Variants in TBC1D5 observed in about 807,000 individuals in gnomAD.
The protein encoded by TBC1D5 is TBC1 domain family, member 5.
A neutral mutation model predicts 100.3 loss-of-function variants in TBC1D5; 75 were observed. The observed-to-expected ratio is 0.75, with a 90% CI of 0.62 to 0.91. TBC1D5 has a LOEUF of 0.91. TBC1D5 is among the 40% of genes least tolerant of loss of function. TBC1D5 has a pLI of 0.00. For missense variants in TBC1D5, 910 were observed against 942.4 expected (o/e 0.97, Z 0.45); for synonymous variants, 323 against 325.6 (o/e 0.99, Z 0.09).
intron 2 of TBC1D5, among the ~76,000 whole-genome samples, chr3:17,524,931 T>G (rs2096112667): frequency 6.6e-6 from 1 of 151,282 alleles, no homozygotes; most frequent in Non-Finnish European, 1.5e-5. Context: ...GAATTTAAAA[T>G]GCTCTGATGT....
At chr3:17,678,686 A>T (rs1052638158) in intron 1 of TBC1D5, among the ~76,000 whole-genome samples, 1 of 134,968 alleles carries the variant, frequency 7.4e-6, no homozygotes, top group South Asian at 2.4e-4. Context: ...AAAAAAAAAA[A>T]ACAGGAAAAG....
At chr3:17,289,046 G>A (rs73817239) in intron 15 of TBC1D5, among the ~76,000 whole-genome samples, 3,566 of 152,302 alleles carry the variant, frequency 0.023, 138 homozygotes, top group African/African-American at 0.081. Flanking sequence ...GGGCTTCGGG[G>A]TTGTGGGCAC....
In TBC1D5 at chr3:17,430,987, C is replaced by G. The variant is rs533288148; in HGVS notation, c.98-2468G>C. Among the ~76,000 whole-genome samples the G allele has an allele frequency of 1.4e-4, 22 of 151,952 alleles. 1 individual carries two copies. The Middle Eastern group carries it at 0.01, about 70-fold the overall frequency. ...ATGATAAAAAACATATCTGTAACAC[C>G]AGAAAACAACTTCCGCCAGTTTGGG... On this transcript the variant is annotated intron_variant, in intron 3 of 21. Coordinates refer to ENST00000253692, the Ensembl canonical transcript of TBC1D5.
intron 15 of TBC1D5, among the ~76,000 whole-genome samples, chr3:17,265,448 A>T (rs2078749332): frequency 6.6e-6 from 1 of 152,164 alleles, no homozygotes; most frequent in African/African-American, 2.4e-5. Flanking sequence ...AAGGAGAAAC[A>T]GCACTGTAAA....
At chr3:17,626,876 T>G (rs538922403) in intron 1 of TBC1D5, among the ~76,000 whole-genome samples, 1 of 152,154 alleles carries the variant, frequency 6.6e-6, no homozygotes, top group Non-Finnish European at 1.5e-5. Flanking sequence ...GACAAATTTA[T>G]GAGAGAACCT....
chr3:17,531,707 C>A (rs1159654743), intron 2 of TBC1D5, among the ~76,000 whole-genome samples: 1 of 152,106 alleles, frequency 6.6e-6, no homozygotes, highest in Non-Finnish European at 1.5e-5. Flanking sequence ...TGATCTTTGA[C>A]AAACCTGAGA....
chr3:17,170,445 C>G (rs1473282756), intron 19 of TBC1D5, among the ~76,000 whole-genome samples: 2 of 152,194 alleles, frequency 1.3e-5, no homozygotes, highest in Admixed American at 6.5e-5. Context: ...CAGAGGCCAG[C>G]ACAAAGGGGG....
At chr3:17,596,700 C>CAAAAAAAAAAAAAAAAAAAAAAAAAA in intron 2 of TBC1D5, among the ~76,000 whole-genome samples, 1 of 44,952 alleles carries the variant, frequency 2.2e-5, no homozygotes, top group Non-Finnish European at 4.7e-5. Context: ...GACTCCATCT[C>CAAAAAAAAAAAAAAAAAAAAAAAAAA]AAAAAAAAAA....
intron 17 of TBC1D5, among the ~76,000 whole-genome samples, chr3:17,229,581 C>G (rs1043453044): frequency 1.3e-5 from 2 of 152,162 alleles, no homozygotes; most frequent in Non-Finnish European, 1.5e-5. Context: ...GCTATCATCA[C>G]CACTACCTGA....
At chr3:17,640,415 G>A (rs1467130319) in intron 1 of TBC1D5, among the ~76,000 whole-genome samples, 1 of 151,910 alleles carries the variant, frequency 6.6e-6, no homozygotes, top group African/African-American at 2.4e-5. Context: ...TTTTAATTAT[G>A]ATAGGGAATC....
intron 1 of TBC1D5, among the ~76,000 whole-genome samples, chr3:17,650,710 G>A (rs977900274): frequency 1.3e-5 from 2 of 152,106 alleles, no homozygotes; most frequent in African/African-American, 4.8e-5. Context: ...AGTTGCTGCA[G>A]GAATTTTATT....
chr3:17,694,191 C>G lies in TBC1D5; in HGVS notation c.-101+45152G>C, dbSNP rs1347831464. On this transcript the variant is annotated intron_variant, in intron 1 of 21. Coordinates refer to ENST00000253692, the Ensembl canonical transcript of TBC1D5. ...CAAAAATCAGAGTGCCTCTTCTCCT[C>G]CAAAACATTGCAGCTCCTTGCCAGC... Among the ~76,000 whole-genome samples, 6 of 152,306 alleles carry G rather than the reference C, an allele frequency of 3.9e-5. No homozygotes were observed. In the East Asian group the frequency reaches 1.2e-3, roughly 29 times the overall value.
intron 2 of TBC1D5, among the ~76,000 whole-genome samples, chr3:17,546,462 T>G (rs183750473): frequency 3.3e-5 from 5 of 152,286 alleles, no homozygotes; most frequent in Admixed American, 3.3e-4. Context: ...ATTTGTTTTA[T>G]CTTTATAAAA....
intron 3 of TBC1D5, among the ~76,000 whole-genome samples, chr3:17,448,895 G>A (rs2094860519): frequency 6.6e-6 from 1 of 152,228 alleles, no homozygotes; most frequent in Non-Finnish European, 1.5e-5. Flanking sequence ...GTCCTTTGAA[G>A]CTCTCAAGCC....
At position 17,494,968 on chromosome 3, in the gene TBC1D5, G is replaced by A. The variant is rs115737004; in HGVS notation, c.97+13506C>T. On this transcript the variant is annotated intron_variant, in intron 3 of 21. Coordinates refer to ENST00000253692, the Ensembl canonical transcript of TBC1D5. ...TCCATGAAAAATACACGATTTCCCA[G>A]GCAGGGTAGTACAATTACTCACTGC... Among the ~76,000 whole-genome samples, 1,015 of 152,290 alleles carry A rather than the reference G, an allele frequency of 6.7e-3. 12 individuals are homozygous for A. The highest frequency in any genetic ancestry group is 0.024 in the African/African-American group (980 of 41,574).
intron 3 of TBC1D5, among the ~76,000 whole-genome samples, chr3:17,486,581 CA>C (rs1019782575): frequency 6.6e-6 from 1 of 152,114 alleles, no homozygotes; most frequent in African/African-American, 2.4e-5. Flanking sequence ...TGCCCATCCA[CA>C]AAAACAACAA....
intron 1 of TBC1D5, among the ~76,000 whole-genome samples, chr3:17,651,697 C>CAA (rs751334144): frequency 7.0e-6 from 1 of 141,878 alleles, no homozygotes. Flanking sequence ...AGACTCGTCT[C>CAA]AAAAAAAAAA....
intron 9 of TBC1D5, among the ~76,000 whole-genome samples, chr3:17,379,210 T>A (rs17043529): frequency 0.029 from 4,460 of 152,122 alleles, 217 homozygotes; most frequent in African/African-American, 0.1. Context: ...GCATTGCATT[T>A]AAATTAACTT....
At chr3:17,679,478 A>C (rs997855222) in intron 1 of TBC1D5, among the ~76,000 whole-genome samples, 1 of 151,514 alleles carries the variant, frequency 6.6e-6, no homozygotes, top group Non-Finnish European at 1.5e-5. Flanking sequence ...AATCCTTGTT[A>C]ATTGATAAAA....
Sources: allele counts gnomAD v4.1 joint callset (sites outside exome capture counted in the v4.1 genomes callset), GRCh38; gene constraint gnomAD v4.1.1; transcripts MANE v1.5; gene names NCBI Gene and HGNC (gene_info 2026-07-23, HGNC 2026-07-21).